The following LMTK3 variants were observed in gnomAD, a reference collection of about 807,000 sequenced individuals.
The protein encoded by LMTK3 is serine/threonine-protein kinase LMTK3.
In LMTK3, 27 loss-of-function variants were observed where a neutral mutation model predicts 116.7. The ratio of observed to expected loss-of-function variants is 0.23; its 90% CI spans 0.17 to 0.32. LMTK3 has a LOEUF of 0.32. Among genes scored for constraint, LMTK3 ranks in the 10% least tolerant of loss-of-function variants. The pLI is 1.00. For missense variants in LMTK3, 1,764 were observed against 2,068.5 expected, an observed-to-expected ratio of 0.85 and a Z score of 2.86; for synonymous variants, 965 against 971.0, an observed-to-expected ratio of 0.99 and a Z score of 0.11.
intron 14 of LMTK3, among the ~76,000 whole-genome samples, chr19:48,486,112 T>C (rs1293904999): frequency 8.4e-6 from 1 of 119,400 alleles, no homozygotes; most frequent in Admixed American, 1.1e-4. Context: ...CAGGCTGGAG[T>C]GCAGTGGCGC....
chr19:48,496,254 T>G (rs1972320336), intron 11 of LMTK3, among the ~76,000 whole-genome samples: 1 of 151,728 alleles, frequency 6.6e-6, no homozygotes, highest in East Asian at 1.9e-4. Flanking sequence ...GGACTACAGG[T>G]GCATGCCACC....
intron 1 of LMTK3, 132 bp from the exon 2 acceptor site, chr19:48,510,724 T>G (rs920107999): frequency 1.8e-6 from 2 of 1,084,558 alleles, no homozygotes; most frequent in Non-Finnish European, 2.5e-6. Flanking sequence ...TTGGCAGAGG[T>G]GCAGAGTGGC....
At chr19:48,506,118 A>C (rs964266681) in intron 5 of LMTK3, among the ~76,000 whole-genome samples, 1 of 150,566 alleles carries the variant, frequency 6.6e-6, no homozygotes, top group African/African-American at 2.4e-5. Flanking sequence ...CTCCAGCCTG[A>C]CAACAGAGCA....
intron 14 of LMTK3, among the ~76,000 whole-genome samples, chr19:48,487,031 AT>A (rs34242861): frequency 0.1 from 12,017 of 118,336 alleles, 823 homozygotes; most frequent in Middle Eastern, 0.23. Flanking sequence ...ACACCCGGCT[AT>A]TTTTTTTTTT....
chr19:48,486,973 C>T (rs1023317329), intron 14 of LMTK3, among the ~76,000 whole-genome samples: 1 of 151,796 alleles, frequency 6.6e-6, no homozygotes, highest in Admixed American at 6.6e-5. Context: ...TCAAGCAATT[C>T]TCCTGCTTCA....
In LMTK3 at chr19:48,485,691, G is replaced by T; in HGVS notation, c.*82C>A. On this transcript the variant is annotated 3_prime_UTR_variant, in exon 15 of 15. Coordinates refer to ENST00000600059, the MANE Select transcript of LMTK3 (RefSeq NM_001388485.1). Reference sequence around the variant, plus strand: ...CTCCCCAGAGGCGGCGTCTGCGGTGGTGGCAGTGGCGCCGTCATCCACAGA... The same window carrying T: ...CTCCCCAGAGGCGGCGTCTGCGGTGTTGGCAGTGGCGCCGTCATCCACAGA... 1 of 1,477,334 alleles carries T rather than the reference G, an allele frequency of 6.8e-7. No individual in the cohort carries two copies. 91.5% of individuals were successfully genotyped at this position (1,477,334 alleles called of 1,614,324 possible).
In LMTK3 at chr19:48,485,864, G is replaced by GA. The variant is rs944673106; in HGVS notation, c.4367-76dup. The GA allele has an allele frequency of 6.9e-6, 10 of 1,452,934 alleles. No individual in the cohort carries two copies. The African/African-American group carries it at 8.5e-5, about 12-fold the overall frequency. 90.0% of individuals were successfully genotyped at this position (1,452,934 alleles called of 1,614,324 possible). ...CTCATGGCTTCTAGGTCACTCAGCG[G>GA]AAAAGCAAAGCCCTCACCCACCATG... On this transcript the variant is annotated intron_variant, in intron 14 of 14. Transcript: ENST00000600059.
intron 6 of LMTK3, 103 bp downstream of exon 6, chr19:48,502,806 A>T: frequency 1.1e-6 from 1 of 929,418 alleles, no homozygotes; most frequent in Non-Finnish European, 1.7e-6. Flanking sequence ...CACATCATCT[A>T]CGATGATGAT....
Position 48,500,998 on chromosome 19 carries a change from G to T in LMTK3, c.1149C>A (p.Tyr383Ter). The change falls in exon 10 of 15, where the codon TAC becomes TAA. Residue 383 changes from tyrosine to a stop codon, truncating the protein, a stop_gained and splice_region_variant. Coordinates refer to ENST00000600059, the MANE Select transcript of LMTK3 (RefSeq NM_001388485.1). LOFTEE classifies it high-confidence loss of function. The surrounding 1 kb of genome is among the most constrained non-coding windows in gnomAD (Gnocchi z 4.0). ...RPRLKLPYAD[Y>*]WYDILQSCWR... is the part of the protein sequence containing the mutation. ...GCCCCGGGTGGGCTAGCCCTCACCA[G>T]TAGTCCGCGTAAGGCAGCTTGAGCC... is the stretch of plus-strand genomic sequence containing the variant. 6.6e-7 allele frequency: 1 copy of T among 1,511,702 alleles called. No individual in the cohort carries two copies. Among genetic ancestry groups the T allele is most frequent in the Non-Finnish European group, 8.8e-7 (1 of 1,133,520 alleles). 93.6% of individuals were successfully genotyped at this position (1,511,702 alleles called of 1,614,324 possible).
chr19:48,501,676 C>G (rs1972471122), intron 7 of LMTK3, 114 bp from the exon 8 acceptor site: 2 of 1,032,476 alleles, frequency 1.9e-6, no homozygotes, highest in Non-Finnish European at 2.9e-6. Context: ...CACACTGACT[C>G]TGCCCCTTCC....
Position 48,497,278 on chromosome 19 carries a change from C to A in LMTK3, c.3676+115G>T. The A allele has an allele frequency of 8.6e-7, 1 of 1,159,406 alleles. No homozygotes were observed. Among genetic ancestry groups the A allele is most frequent in the Non-Finnish European group, 1.1e-6 (1 of 887,026 alleles). 71.8% of individuals were successfully genotyped at this position (1,159,406 alleles called of 1,614,324 possible). On this transcript the variant is annotated intron_variant, in intron 11 of 14. Coordinates refer to ENST00000600059, the MANE Select transcript of LMTK3 (RefSeq NM_001388485.1). The surrounding 1 kb of genome is among the most constrained non-coding windows in gnomAD (Gnocchi z 5.7). ...ATGTGAGCCCAGGTGGTGCAGGCTTCAGGACCTGCATTCATCACTGCCAGC... is the reference window on the plus strand; with the variant it reads ...ATGTGAGCCCAGGTGGTGCAGGCTTAAGGACCTGCATTCATCACTGCCAGC...
intron 7 of LMTK3, 48 bp downstream of exon 7, chr19:48,502,385 T>G: frequency 6.3e-7 from 1 of 1,584,242 alleles, no homozygotes; most frequent in African/African-American, 1.4e-5. Context: ...CTCACCTCCT[T>G]CCCCCTTCCC....
In LMTK3 at chr19:48,498,528, G is replaced by A; in HGVS notation, c.2541C>T (p.Pro847=). The change falls in exon 11 of 15, where the codon CCC becomes CCT. Residue 847 remains proline (P), a synonymous_variant. Transcript: ENST00000600059. The part of the protein sequence containing the change: ...PDPGPLPLPG[P]REKPTFVVQV... ...GAACCACGAAGGTCGGCTTCTCCCG[G>A]GGCCCCGGGAGTGGGAGCGGACCCG... is the stretch of plus-strand genomic sequence containing the variant. 1.3e-6 allele frequency: 2 copies of A among 1,574,068 alleles called. No homozygotes were observed. Among genetic ancestry groups the A allele is most frequent in the Non-Finnish European group, 1.7e-6 (2 of 1,159,674 alleles).
chr19:48,490,810 A>G (rs1398568872), intron 14 of LMTK3, among the ~76,000 whole-genome samples: 1 of 152,110 alleles, frequency 6.6e-6, no homozygotes, highest in African/African-American at 2.4e-5. Flanking sequence ...CCGGAGTCTG[A>G]GCCCAGAGAT....
chr19:48,498,929 G>C lies in LMTK3; in HGVS notation c.2140C>G (p.Arg714Gly). The change falls in exon 11 of 15, where the codon CGG becomes GGG. Residue 714 changes from arginine (R) to glycine (G), a missense_variant. Coordinates refer to ENST00000600059, the MANE Select transcript of LMTK3 (RefSeq NM_001388485.1). The stretch of plus-strand genomic sequence containing the variant: ...ATGGGCAAGTCGGCCAGGGAGCCCC[G>C]CTCTGCCCGCAGCGAGGAGTCGTCC... ...PEDDSSLRAE[R>G]GSLADLPMAP... is the part of the protein sequence containing the mutation. 1 of 1,295,584 alleles carries C rather than the reference G, an allele frequency of 7.7e-7. No individual in the cohort carries two copies. The highest frequency in any genetic ancestry group is 9.7e-7 in the Non-Finnish European group (1 of 1,025,668). 80.3% of individuals were successfully genotyped at this position (1,295,584 alleles called of 1,614,324 possible).
chr19:48,495,973 G>C (rs1015243004), intron 11 of LMTK3, among the ~76,000 whole-genome samples: 1 of 152,242 alleles, frequency 6.6e-6, no homozygotes, highest in Admixed American at 6.5e-5. Context: ...TGGTGGTGGA[G>C]TTGTCAGGGC....
At chr19:48,489,189 A>T (rs549115310) in intron 14 of LMTK3, among the ~76,000 whole-genome samples, 16 of 152,332 alleles carry the variant, frequency 1.1e-4, no homozygotes, top group African/African-American at 3.4e-4. Context: ...CTTGCTCCAC[A>T]TTGAATCCCC....
chr19:48,494,077 G>A lies in LMTK3; in HGVS notation c.3709C>T (p.Pro1237Ser). Residue 1237 changes from proline (P) to serine (S), a missense_variant, in exon 12 of 15, where the codon CCG (proline) becomes TCG (serine). Pro to Ser is a moderately conservative substitution (Grantham distance 74). Transcript: ENST00000600059. The surrounding 1 kb of genome is among the most constrained non-coding windows in gnomAD (Gnocchi z 4.0). ...RLSRLSLALP[P>S]LTLTPFPGPG... is the part of the protein sequence containing the mutation. ...CCCGGGAATGGCGTGAGCGTGAGCG[G>A]CGGCAGCGCCAGCGAGAGCCGGGAG... 3.3e-6 allele frequency: 4 copies of A among 1,197,002 alleles called. No homozygotes were observed. The highest frequency in any genetic ancestry group is 3.5e-5 in the East Asian group (1 of 28,882). The allele number at this position is 1,197,002 out of a possible 1,614,324, so 74.1% of individuals were successfully genotyped here.
In LMTK3 at chr19:48,498,642, A is replaced by C; in HGVS notation, c.2427T>G (p.Gly809=). 1 of 1,532,022 alleles carries C rather than the reference A, an allele frequency of 6.5e-7. No individual in the cohort carries two copies. The highest frequency in any genetic ancestry group is 8.8e-7 in the Non-Finnish European group (1 of 1,140,152). The allele number at this position is 1,532,022 out of a possible 1,614,324, so 94.9% of individuals were successfully genotyped here. A position where few individuals can be genotyped will look rare whatever the true frequency, so the allele number is the denominator to read the frequency against. The change falls in exon 11 of 15, where the codon GGT becomes GGG. Residue 809 remains glycine (G), a synonymous_variant. Coordinates refer to ENST00000600059, the MANE Select transcript of LMTK3 (RefSeq NM_001388485.1). ...CCCCTTCCTCCTCGGCCGCCCCCCC[A>C]CCTGGGAAGGCTCCCTCTGGGGAAA... ...TPFSPEGAFP[G]GGAAEEEGVP... is the part of the protein sequence containing the mutation.
Sources: gnomAD v4.1 joint callset for allele counts (sites outside exome capture counted in the v4.1 genomes callset) on GRCh38, gnomAD v4.1.1 for gene constraint, Gnocchi (gnomAD v3.1) non-coding constraint, MANE v1.5 for transcripts, NCBI Gene and HGNC (gene_info 2026-07-23, HGNC 2026-07-21) for gene names.